The following ACYP2 variants were observed in gnomAD, a reference collection of about 807,000 sequenced individuals.
The protein encoded by ACYP2 is acylphosphatase 2.
In ACYP2, 12 loss-of-function variants were observed where a neutral mutation model predicts 11.2. The observed-to-expected ratio is 1.08, with a 90% confidence interval of 0.69 to 1.74. The LOEUF (loss-of-function observed/expected upper bound fraction) is 1.74. Among genes scored for constraint, ACYP2 ranks in the 40% most tolerant of loss-of-function variants. The pLI, the probability that ACYP2 is intolerant of heterozygous loss-of-function variation, is 0.00. For missense variants in ACYP2, 134 were observed against 101.9 expected (o/e 1.31, Z -1.35); for synonymous variants, 43 against 32.2 (o/e 1.33, Z -1.13).
chr2:54,051,449 G>C, intron 3 of ACYP2: 1 of 693,384 alleles, frequency 1.4e-6, no homozygotes, highest in Non-Finnish European at 2.6e-6. Flanking sequence ...CCTCCTAAAC[G>C]GGTGACAAAA....
intron 6 of ACYP2, among the ~76,000 whole-genome samples, chr2:54,267,728 ACAATGGT>A (rs1688101269): frequency 6.6e-6 from 1 of 152,220 alleles, no homozygotes; most frequent in Non-Finnish European, 1.5e-5. Context: ...CTTGTGGGTT[ACAATGGT>A]AAAATGATTG....
At chr2:54,296,029 G>A (rs1260816507) in intron 6 of ACYP2, among the ~76,000 whole-genome samples, 1 of 151,562 alleles carries the variant, frequency 6.6e-6, no homozygotes, top group African/African-American at 2.4e-5. Context: ...CAAAGTGCTC[G>A]AATTACAGCA....
intron 2 of ACYP2, among the ~76,000 whole-genome samples, chr2:54,002,051 G>A (rs550827190): frequency 6.6e-6 from 1 of 152,250 alleles, no homozygotes; most frequent in Non-Finnish European, 1.5e-5. Context: ...GTTCACCATT[G>A]GTGGTGTACA....
chr2:54,160,908 T>G (rs17045543), intron 6 of ACYP2, among the ~76,000 whole-genome samples: 3,837 of 152,292 alleles, frequency 0.025, 173 homozygotes, highest in African/African-American at 0.087. Context: ...ATACTGTGGT[T>G]TCATCAAAGA....
intron 2 of ACYP2, among the ~76,000 whole-genome samples, chr2:53,978,295 A>C (rs567461580): frequency 7.9e-5 from 12 of 152,096 alleles, no homozygotes; most frequent in Non-Finnish European, 1.8e-4. Context: ...CTAATTCTAA[A>C]ATATTATAGA....
At chr2:54,272,876 G>A (rs1688370459) in intron 6 of ACYP2, among the ~76,000 whole-genome samples, 1 of 152,222 alleles carries the variant, frequency 6.6e-6, no homozygotes, top group East Asian at 1.9e-4. Flanking sequence ...AACTCATGTG[G>A]TATCTCCTAA....
chr2:54,196,858 A>G (rs544898297), intron 6 of ACYP2, among the ~76,000 whole-genome samples: 1 of 152,342 alleles, frequency 6.6e-6, no homozygotes, highest in East Asian at 1.9e-4. Flanking sequence ...AAAGTGTATC[A>G]TGGTAGATTA....
intron 6 of ACYP2, among the ~76,000 whole-genome samples, chr2:54,231,956 A>G (rs1727505): frequency 0.061 from 9,293 of 152,254 alleles, 397 homozygotes; most frequent in Non-Finnish European, 0.091. Flanking sequence ...ACTTTCTACC[A>G]TGACTTTGAC....
At chr2:54,209,807 A>G (rs191715823) in intron 6 of ACYP2, among the ~76,000 whole-genome samples, 1 of 152,248 alleles carries the variant, frequency 6.6e-6, no homozygotes, top group Non-Finnish European at 1.5e-5. Flanking sequence ...ATAAAGCAGA[A>G]GCAAGGATGG....
At chr2:54,172,608 T>A (rs534323306) in intron 6 of ACYP2, among the ~76,000 whole-genome samples, 9 of 152,154 alleles carry the variant, frequency 5.9e-5, no homozygotes, top group Non-Finnish European at 1.0e-4. Flanking sequence ...TTTCTTTTAT[T>A]TATTTATTAT....
chr2:54,150,025 GACA>G (rs1373362647), intron 6 of ACYP2, among the ~76,000 whole-genome samples: 1 of 152,176 alleles, frequency 6.6e-6, no homozygotes, highest in Non-Finnish European at 1.5e-5. Context: ...AGCTGACCCT[GACA>G]ACAAGTTTTC....
chr2:54,095,282 T>C (rs1187837378), intron 4 of ACYP2, among the ~76,000 whole-genome samples: 1 of 152,244 alleles, frequency 6.6e-6, no homozygotes, highest in Admixed American at 6.5e-5. Context: ...CCATGTCTAC[T>C]TCTTTCTACA....
intron 2 of ACYP2, among the ~76,000 whole-genome samples, chr2:53,980,532 C>T (rs1671700094): frequency 6.6e-6 from 1 of 151,782 alleles, no homozygotes; most frequent in Non-Finnish European, 1.5e-5. Flanking sequence ...GGCTGGGCAA[C>T]GTGGTGAGAC....
intron 2 of ACYP2, among the ~76,000 whole-genome samples, chr2:54,038,179 A>C (rs915331762): frequency 1.3e-5 from 2 of 152,154 alleles, no homozygotes; most frequent in Non-Finnish European, 2.9e-5. Flanking sequence ...GAGCGTCCTG[A>C]TTCAAACATT....
chr2:54,276,312 T>C (rs1292528898), intron 6 of ACYP2, among the ~76,000 whole-genome samples: 2 of 152,282 alleles, frequency 1.3e-5, no homozygotes, highest in East Asian at 3.9e-4. Context: ...ATGTTGTTAG[T>C]GTAGGTATTT....
intron 6 of ACYP2, among the ~76,000 whole-genome samples, chr2:54,239,301 C>T (rs1275005695): frequency 6.6e-6 from 1 of 152,106 alleles, no homozygotes; most frequent in Non-Finnish European, 1.5e-5. Flanking sequence ...GGAAAGAGGC[C>T]ATACTGTGAT....
At chr2:54,285,522 A>T (rs1276367177) in intron 6 of ACYP2, among the ~76,000 whole-genome samples, 2 of 152,218 alleles carry the variant, frequency 1.3e-5, no homozygotes, top group African/African-American at 2.4e-5. Context: ...GTGTCTAAAA[A>T]GCATCTCATG....
intron 6 of ACYP2, among the ~76,000 whole-genome samples, chr2:54,187,614 C>G (rs1173524406): frequency 1.3e-5 from 2 of 152,164 alleles, no homozygotes; most frequent in Non-Finnish European, 2.9e-5. Flanking sequence ...CCTATGAAGT[C>G]TTGGCAGAAT....
At chr2:54,095,770 G>A (rs1309598605) in intron 4 of ACYP2, among the ~76,000 whole-genome samples, 3 of 132,396 alleles carry the variant, frequency 2.3e-5, no homozygotes, top group South Asian at 2.6e-4. Context: ...CGGACGGGGC[G>A]GCTGGCCGGG....
Sources: allele counts gnomAD v4.1 joint callset (sites outside exome capture counted in the v4.1 genomes callset), GRCh38; gene constraint gnomAD v4.1.1; transcripts MANE v1.5; gene names NCBI Gene and HGNC (gene_info 2026-07-23, HGNC 2026-07-21).